Variants in CELSR1 observed in about 807,000 individuals in gnomAD.
The protein encoded by CELSR1 is cadherin EGF LAG seven-pass G-type receptor 1.
CELSR1 carries 110 observed loss-of-function variants against 249.1 expected under a neutral mutation model. That is an observed-to-expected ratio of 0.44 (90% CI 0.38 to 0.52). The LOEUF (loss-of-function observed/expected upper bound fraction) is 0.52. Among genes scored for constraint, CELSR1 ranks in the 20% least tolerant of loss-of-function variants. The pLI, the probability that CELSR1 is intolerant of heterozygous loss-of-function variation, is 0.00. For missense variants in CELSR1, 4,109 were observed against 4,296.4 expected, an observed-to-expected ratio of 0.96 and a Z score of 1.22; for synonymous variants, 2,113 against 1,900.0, an observed-to-expected ratio of 1.11 and a Z score of -2.92.
chr22:46,377,010 C>T lies in CELSR1; in HGVS notation c.7584+51G>A, dbSNP rs748664301. 3.8e-6 allele frequency: 6 copies of T among 1,586,410 alleles called. No individual in the cohort carries two copies. The East Asian group carries it at 1.3e-4, about 36-fold the overall frequency. On this transcript the variant is annotated intron_variant, in intron 24 of 34. Coordinates refer to ENST00000674500, the MANE Select transcript of CELSR1 (RefSeq NM_001378328.1). ...AGTGGCCAGGACAGGACTATGGTAGCTGCTCCAAGCTGCGGCCCAGACAGT... is the reference window on the plus strand; with the variant it reads ...AGTGGCCAGGACAGGACTATGGTAGTTGCTCCAAGCTGCGGCCCAGACAGT...
intron 1 of CELSR1, among the ~76,000 whole-genome samples, chr22:46,475,981 A>G (rs1174820012): frequency 6.6e-5 from 10 of 152,170 alleles, no homozygotes. Context: ...TCACACATCA[A>G]CATAGCCAGC....
rs1481949339 is a variant in CELSR1, at chr22:46,369,720, A to G, written c.7844T>C (p.Phe2615Ser). ...TATAACAGCTCCGATGGGCCCCGCA[A>G]AGCTCCAAATCAGGGTGTCTTGAAG... ...LSLQDTLIWS[F>S]AGPIGAVIII... The change falls in exon 26 of 35, where the codon TTT (phenylalanine) becomes TCT (serine). Residue 2615 changes from phenylalanine (F) to serine (S), a missense_variant. Phe to Ser is a radical substitution (Grantham distance 155). Coordinates refer to ENST00000674500, the MANE Select transcript of CELSR1 (RefSeq NM_001378328.1). The G allele has an allele frequency of 6.2e-7, 1 of 1,613,530 alleles. No homozygotes were observed. Among genetic ancestry groups the G allele is most frequent in the South Asian group, 1.1e-5 (1 of 91,088 alleles).
chr22:46,498,459 A>C (rs2080436237), intron 1 of CELSR1, among the ~76,000 whole-genome samples: 1 of 151,080 alleles, frequency 6.6e-6, no homozygotes, highest in Non-Finnish European at 1.5e-5. Context: ...AAAATACAAA[A>C]AAATTAGCCG....
Position 46,406,533 on chromosome 22 carries a change from C to G in CELSR1, c.5226+2463G>C, listed in dbSNP as rs1287007006. ...CCTCCACCAGCCTGCTGGGAGCACT[C>G]TCGGTCCTGCCCCCGCCACACTCCA... On this transcript the variant is annotated intron_variant, in intron 9 of 34. Transcript: ENST00000674500. This position sits in a 1 kb window ranked among gnomAD's most constrained non-coding sequence, Gnocchi z 5.4. 6.6e-6 allele frequency among the ~76,000 whole-genome samples: 1 copy of G among 152,244 alleles called. No individual in the cohort carries two copies. Among genetic ancestry groups the G allele is most frequent in the African/African-American group, 2.4e-5 (1 of 41,470 alleles).
chr22:46,498,893 C>G (rs1013718853), intron 1 of CELSR1, among the ~76,000 whole-genome samples: 2 of 151,168 alleles, frequency 1.3e-5, no homozygotes, highest in African/African-American at 2.4e-5. Flanking sequence ...TAAAGTAAAA[C>G]ATGGGGCCGG....
At chr22:46,372,313 CATCCATCCACTCACTCACCCCATCT>C in intron 25 of CELSR1, among the ~76,000 whole-genome samples, 2 of 148,814 alleles carry the variant, frequency 1.3e-5, no homozygotes, top group Non-Finnish European at 3.0e-5. Context: ...CCCACCCATC[CATCCATCCACTCACTCACCCCATCT>C]ATCCATCCAC....
chr22:46,507,623 G>A (rs2080527937), intron 1 of CELSR1, among the ~76,000 whole-genome samples: 2 of 152,096 alleles, frequency 1.3e-5, no homozygotes, highest in South Asian at 2.1e-4. Context: ...GGGCCCCGCT[G>A]TGACCCGCCT....
At chr22:46,452,017 AG>A (rs1555920477) in intron 2 of CELSR1, among the ~76,000 whole-genome samples, 1 of 152,146 alleles carries the variant, frequency 6.6e-6, no homozygotes, top group South Asian at 2.1e-4. Context: ...CCGGGGAGGC[AG>A]GGGGGCTCCT....
chr22:46,505,465 C>A (rs2080506377), intron 1 of CELSR1, among the ~76,000 whole-genome samples: 1 of 151,830 alleles, frequency 6.6e-6, no homozygotes, highest in South Asian at 2.1e-4. Flanking sequence ...GAGACCTGGT[C>A]TCTATAAACA....
At position 46,363,612 on chromosome 22, in the gene CELSR1, C is replaced by A; in HGVS notation, c.9036-365G>T. 1 of 355,704 alleles carries A rather than the reference C, an allele frequency of 2.8e-6. No individual in the cohort carries two copies. The highest frequency in any genetic ancestry group is 5.2e-6 in the Non-Finnish European group (1 of 193,800). 22.0% of individuals were successfully genotyped at this position (355,704 alleles called of 1,614,324 possible). A position where few individuals can be genotyped will look rare whatever the true frequency, so the allele number is the denominator to read the frequency against. On this transcript the variant is annotated intron_variant, in intron 34 of 34. Coordinates refer to ENST00000674500, the MANE Select transcript of CELSR1 (RefSeq NM_001378328.1). The surrounding 1 kb of genome is among the most constrained non-coding windows in gnomAD (Gnocchi z 4.3). ...GAGGTCTGGGGCCAGGACCCCAGCT[C>A]CACCCCGCCCCCTTCACCCCTGGCA...
intron 33 of CELSR1, 61 bp from the exon 34 acceptor site, chr22:46,364,312 G>A (rs1192555967): frequency 6.3e-7 from 1 of 1,578,418 alleles, no homozygotes; most frequent in African/African-American, 1.4e-5. Flanking sequence ...CAGCTGCTGG[G>A]CCGTGTGCAG....
In CELSR1 at chr22:46,536,976, C is replaced by A. The variant is rs2080865641; in HGVS notation, c.195G>T (p.Leu65=). Reference sequence around the variant, plus strand: ...CCAGCCGCCCATCGCGGCCCACGTCCAGCAGCTCCCGCGGCGCCCGGGGCG... The same window carrying A: ...CCAGCCGCCCATCGCGGCCCACGTCAAGCAGCTCCCGCGGCGCCCGGGGCG... The part of the protein sequence containing the change: ...ACTPRAPREL[L]DVGRDGRLAG... The change falls in exon 1 of 35, where the codon CTG becomes CTT. Residue 65 remains leucine (L), a synonymous_variant. Transcript: ENST00000674500. The A allele has an allele frequency of 8.8e-7, 1 of 1,134,520 alleles. No homozygotes were observed. The highest frequency in any genetic ancestry group is 5.0e-5 in the East Asian group (1 of 19,852). 70.3% of individuals were successfully genotyped at this position (1,134,520 alleles called of 1,614,324 possible).
At chr22:46,463,555 C>G (rs904222555) in intron 2 of CELSR1, 152 bp downstream of exon 2, 2 of 643,210 alleles carry the variant, frequency 3.1e-6, no homozygotes, top group African/African-American at 3.8e-5. Context: ...TTACTGAGAT[C>G]ATCTCAAGGT....
intron 20 of CELSR1, 92 bp from the exon 21 acceptor site, chr22:46,382,142 A>G: frequency 8.4e-7 from 1 of 1,187,670 alleles, no homozygotes; most frequent in South Asian, 1.6e-5. Flanking sequence ...TCAAAAACCA[A>G]CAGATGTCCC....
At position 46,402,499 on chromosome 22, in the gene CELSR1, G is replaced by C. The variant is rs1260477831; in HGVS notation, c.5227-2597C>G. On this transcript the variant is annotated intron_variant, in intron 9 of 34. Coordinates refer to ENST00000674500, the MANE Select transcript of CELSR1 (RefSeq NM_001378328.1). This position sits in a 1 kb window ranked among gnomAD's most constrained non-coding sequence, Gnocchi z 5.0. ...CCCAAAGTGCTGGGATTACAGGCAT[G>C]AGCCACTGCACCTGGCCCCCATTCT... Among the ~76,000 whole-genome samples the C allele has an allele frequency of 2.0e-5, 3 of 152,152 alleles. No homozygotes were observed. The highest frequency in any genetic ancestry group is 7.2e-5 in the African/African-American group (3 of 41,434).
rs528737407 is a variant in CELSR1, at chr22:46,434,027, A to G, written c.4523-546T>C. On this transcript the variant is annotated intron_variant, in intron 4 of 34. Transcript: ENST00000674500. The surrounding 1 kb of genome is among the most constrained non-coding windows in gnomAD (Gnocchi z 4.9). The stretch of plus-strand genomic sequence containing the variant: ...GAAAAAATATAAACACGGAAAACCC[A>G]TCTGTCTGTACCAGCAGCAGTCACA... 6.6e-6 allele frequency among the ~76,000 whole-genome samples: 1 copy of G among 152,182 alleles called. No individual in the cohort carries two copies. The highest frequency in any genetic ancestry group is 1.5e-5 in the Non-Finnish European group (1 of 68,026).
At chr22:46,503,371 C>A (rs182777916) in intron 1 of CELSR1, among the ~76,000 whole-genome samples, 2 of 152,252 alleles carry the variant, frequency 1.3e-5, no homozygotes, top group African/African-American at 4.8e-5. Context: ...CACACCTGTA[C>A]TTCCTTCTGT....
intron 2 of CELSR1, among the ~76,000 whole-genome samples, chr22:46,443,059 C>T (rs2079772413): frequency 6.6e-6 from 1 of 151,400 alleles, no homozygotes; most frequent in Admixed American, 6.6e-5. Flanking sequence ...GATCGCACCG[C>T]GGCACTCCAG....
At chr22:46,367,606 GC>G in intron 28 of CELSR1, 122 bp downstream of exon 28, 1 of 1,344,054 alleles carries the variant, frequency 7.4e-7, no homozygotes, top group Non-Finnish European at 1.0e-6. Flanking sequence ...GCCACAGGAG[GC>G]CCCCACGCGG....
Sources: allele counts gnomAD v4.1 joint callset (sites outside exome capture counted in the v4.1 genomes callset), GRCh38; gene constraint gnomAD v4.1.1; non-coding constraint Gnocchi (gnomAD v3.1); transcripts MANE v1.5; gene names NCBI Gene and HGNC (gene_info 2026-07-23, HGNC 2026-07-21).